Variants in SEL1L3 observed in about 807,000 individuals in gnomAD.
SEL1L3 encodes the protein protein sel-1 homolog 3.
A neutral mutation model predicts 142.8 loss-of-function variants in SEL1L3; 76 were observed. That is an observed-to-expected ratio of 0.53 (90% CI 0.44 to 0.64). SEL1L3 has a LOEUF of 0.64. SEL1L3 is among the 30% of genes least tolerant of loss of function. SEL1L3 has a pLI of 0.00. For synonymous variants in SEL1L3, 504 were observed against 519.6 expected (o/e 0.97, Z 0.41); for missense variants, 1,262 against 1,381.7 (o/e 0.91, Z 1.37).
intron 9 of SEL1L3, among the ~76,000 whole-genome samples, chr4:25,805,842 A>T (rs1713521567): frequency 6.6e-6 from 1 of 152,220 alleles, no homozygotes; most frequent in South Asian, 2.1e-4. Flanking sequence ...CTTAACTTTT[A>T]ACTTAAGACT....
intron 20 of SEL1L3, chr4:25,759,350 G>C (rs376004856): frequency 4.8e-5 from 16 of 335,068 alleles, no homozygotes; most frequent in Non-Finnish European, 8.2e-5. Flanking sequence ...TCTCAGAATA[G>C]AACTTACTGG....
the SEL1L3 span, among the ~76,000 whole-genome samples, chr4:25,723,642 T>A: frequency 6.6e-6 from 1 of 152,198 alleles, no homozygotes; most frequent in Non-Finnish European, 1.5e-5. Context: ...GTTCCTGTAC[T>A]CATGAGGAAA....
chr4:25,788,484 A>G lies in SEL1L3; in HGVS notation c.2077-120T>C. The G allele has an allele frequency of 9.7e-7, 1 of 1,035,142 alleles. No homozygotes were observed. The highest frequency in any genetic ancestry group is 1.4e-6 in the Non-Finnish European group (1 of 716,662). The allele number at this position is 1,035,142 out of a possible 1,614,324, so 64.1% of individuals were successfully genotyped here. Reference sequence around the variant, plus strand: ...TTTTAGATTGAGAACCAAGGATTAGATACACTTTATCTTCCAACTGGAGGC... The same window carrying G: ...TTTTAGATTGAGAACCAAGGATTAGGTACACTTTATCTTCCAACTGGAGGC... On this transcript the variant is annotated intron_variant, in intron 12 of 23. Coordinates refer to ENST00000399878, the MANE Select transcript of SEL1L3 (RefSeq NM_015187.5). The surrounding 1 kb of genome is among the most constrained non-coding windows in gnomAD (Gnocchi z 5.3).
chr4:25,740,866 C>A, the SEL1L3 span, among the ~76,000 whole-genome samples: 1 of 151,972 alleles, frequency 6.6e-6, no homozygotes, highest in Non-Finnish European at 1.5e-5. Context: ...CTTACTGCAA[C>A]CTCTGCCTCC....
chr4:25,792,268 A>G (rs373351268), intron 11 of SEL1L3, among the ~76,000 whole-genome samples: 42 of 152,172 alleles, frequency 2.8e-4, no homozygotes, highest in African/African-American at 1.0e-3. Flanking sequence ...TCCCCAGTTT[A>G]CAGGCCAAGA....
the SEL1L3 span, among the ~76,000 whole-genome samples, chr4:25,729,059 G>A: frequency 7.9e-5 from 12 of 151,670 alleles, no homozygotes; most frequent in Middle Eastern, 3.4e-3. Context: ...ACCATTAAAT[G>A]CAAAGAAGCC....
chr4:25,796,106 T>C (rs941901037), intron 11 of SEL1L3, among the ~76,000 whole-genome samples: 1 of 152,158 alleles, frequency 6.6e-6, no homozygotes, highest in Non-Finnish European at 1.5e-5. Flanking sequence ...CAGAAGTTTG[T>C]ATCTTAATAC....
At position 25,788,487 on chromosome 4, in the gene SEL1L3, C is replaced by G; in HGVS notation, c.2077-123G>C. 1 of 1,005,968 alleles carries G rather than the reference C, an allele frequency of 9.9e-7. No homozygotes were observed. Among genetic ancestry groups the G allele is most frequent in the South Asian group, 1.6e-5 (1 of 62,012 alleles). 62.3% of individuals were successfully genotyped at this position (1,005,968 alleles called of 1,614,324 possible). A position where few individuals can be genotyped will look rare whatever the true frequency, so the allele number is the denominator to read the frequency against. The stretch of plus-strand genomic sequence containing the variant: ...TAGATTGAGAACCAAGGATTAGATA[C>G]ACTTTATCTTCCAACTGGAGGCCAG... On this transcript the variant is annotated intron_variant, in intron 12 of 23. Coordinates refer to ENST00000399878, the MANE Select transcript of SEL1L3 (RefSeq NM_015187.5). This position sits in a 1 kb window ranked among gnomAD's most constrained non-coding sequence, Gnocchi z 5.3.
At chr4:25,839,311 G>A (rs765254886) in intron 2 of SEL1L3, among the ~76,000 whole-genome samples, 3 of 152,184 alleles carry the variant, frequency 2.0e-5, no homozygotes, top group Non-Finnish European at 4.4e-5. Context: ...TTCGATGGCA[G>A]GAATCTTAAG....
chr4:25,763,775 G>C (rs1220675564), intron 20 of SEL1L3, among the ~76,000 whole-genome samples: 1 of 152,186 alleles, frequency 6.6e-6, no homozygotes, highest in East Asian at 1.9e-4. Context: ...GGGGGACCAA[G>C]GCTGCAGTGA....
intron 2 of SEL1L3, among the ~76,000 whole-genome samples, chr4:25,844,368 GC>G (rs899679215): frequency 1.8e-4 from 28 of 152,256 alleles, no homozygotes; most frequent in African/African-American, 6.0e-4. Context: ...TGTAATCAGA[GC>G]TTATTTTGAG....
chr4:25,804,828 C>T (rs1713446371), intron 9 of SEL1L3, 76 bp from the exon 10 acceptor site: 3 of 1,058,510 alleles, frequency 2.8e-6, no homozygotes, highest in African/African-American at 3.1e-5. Context: ...AGAGGAAAAG[C>T]CAATTAAATC....
At chr4:25,714,625 G>A in the SEL1L3 span, among the ~76,000 whole-genome samples, 7 of 145,376 alleles carry the variant, frequency 4.8e-5, no homozygotes, top group Admixed American at 1.4e-4. Flanking sequence ...AGGCTGGAGT[G>A]CAGTGGTGCA....
the SEL1L3 span, among the ~76,000 whole-genome samples, chr4:25,726,456 A>T: frequency 4.6e-5 from 7 of 151,032 alleles, 1 homozygote; most frequent in Admixed American, 4.0e-4. Flanking sequence ...TGAACCTGGG[A>T]AGTGGAGGTT....
chr4:25,839,630 G>A (rs1336558810), intron 2 of SEL1L3, among the ~76,000 whole-genome samples: 2 of 152,172 alleles, frequency 1.3e-5, no homozygotes, highest in Non-Finnish European at 2.9e-5. Context: ...ACGCTTGTAT[G>A]TGCAGAGAAC....
At chr4:25,842,732 G>A (rs58450982) in intron 2 of SEL1L3, among the ~76,000 whole-genome samples, 3,537 of 152,344 alleles carry the variant, frequency 0.023, 123 homozygotes, top group African/African-American at 0.079. Context: ...CAATCAACAA[G>A]TAGTCATGAG....
At chr4:25,786,202 T>C (rs1711813318) in intron 13 of SEL1L3, among the ~76,000 whole-genome samples, 1 of 152,154 alleles carries the variant, frequency 6.6e-6, no homozygotes, top group African/African-American at 2.4e-5. Context: ...TGGTACCATC[T>C]TTGCATAAAG....
At chr4:25,724,750 AAAAAAAAAAAAAAAAAAAAAAG>A in the SEL1L3 span, among the ~76,000 whole-genome samples, 3 of 113,654 alleles carry the variant, frequency 2.6e-5, no homozygotes, top group Non-Finnish European at 6.0e-5. Flanking sequence ...AAAAAAAAAA[AAAAAAAAAAAAAAAAAAAAAAG>A]GAAAAGAAAT....
chr4:25,720,679 C>G, the SEL1L3 span: 1 of 152,104 alleles, frequency 6.6e-6, no homozygotes, highest in Non-Finnish European at 1.5e-5. Context: ...ATGTGAAATC[C>G]GCGAAAGCCT....
Sources: gnomAD v4.1 joint callset for allele counts (sites outside exome capture counted in the v4.1 genomes callset) on GRCh38, gnomAD v4.1.1 for gene constraint, Gnocchi (gnomAD v3.1) non-coding constraint, MANE v1.5 for transcripts, NCBI Gene and HGNC (gene_info 2026-07-23, HGNC 2026-07-21) for gene names.